The following ST8SIA4 variants were observed in gnomAD, a reference collection of about 807,000 sequenced individuals.
ST8SIA4 encodes CMP-N-acetylneuraminate-poly-alpha-2,8-sialyltransferase.
ST8SIA4 carries 15 observed loss-of-function variants against 33.9 expected under a neutral mutation model. The ratio of observed to expected loss-of-function variants is 0.44; its 90% CI spans 0.30 to 0.68. The LOEUF (loss-of-function observed/expected upper bound fraction) is 0.68. ST8SIA4 is among the 30% of genes least tolerant of loss of function. The pLI is 0.10. For synonymous variants in ST8SIA4, 171 were observed against 151.2 expected (o/e 1.13, Z -0.96); for missense variants, 321 against 428.0 (o/e 0.75, Z 2.21).
At chr5:100,880,603 G>T (rs937184088) in intron 3 of ST8SIA4, among the ~76,000 whole-genome samples, 4 of 152,118 alleles carry the variant, frequency 2.6e-5, no homozygotes, top group Non-Finnish European at 5.9e-5. Context: ...GATGAAGAGA[G>T]ACTTTGGCTT....
chr5:100,812,117 G>T lies in ST8SIA4; in HGVS notation c.810C>A (p.Thr270=). 1.9e-6 allele frequency: 3 copies of T among 1,608,736 alleles called. No individual in the cohort carries two copies. The highest frequency in any genetic ancestry group is 2.5e-6 in the Non-Finnish European group (3 of 1,178,108). ...TGGGTCTTTTGATAGGAACTTTGTT[G>T]GTCAGCCAGTAACTGGAAAAACAAA... ...LIHAVRGYWL[T]NKVPIKRPST... is the part of the protein sequence containing the mutation. The change falls in exon 5 of 5, where the codon ACC becomes ACA. Residue 270 remains threonine (T), a synonymous_variant. Coordinates refer to ENST00000231461, the MANE Select transcript of ST8SIA4 (RefSeq NM_005668.6).
intron 1 of ST8SIA4, 141 bp from the exon 2 acceptor site, chr5:100,895,926 G>T: frequency 2.6e-6 from 2 of 774,306 alleles, no homozygotes; most frequent in Non-Finnish European, 3.9e-6. Context: ...ACGCAAGCAT[G>T]ATGAAAGGTG....
chr5:100,843,888 T>C (rs1034359224), intron 4 of ST8SIA4, among the ~76,000 whole-genome samples: 2 of 151,958 alleles, frequency 1.3e-5, no homozygotes, highest in South Asian at 2.1e-4. Flanking sequence ...TATCAGTTAT[T>C]TACACCTTAC....
chr5:100,890,526 G>A (rs959354678), intron 2 of ST8SIA4: 4 of 151,886 alleles, frequency 2.6e-5, no homozygotes, highest in Admixed American at 2.0e-4. Flanking sequence ...GCTCTATCTA[G>A]AGACACATGA....
intron 3 of ST8SIA4, among the ~76,000 whole-genome samples, chr5:100,868,736 C>T (rs1003275580): frequency 6.6e-6 from 1 of 152,010 alleles, no homozygotes; most frequent in Non-Finnish European, 1.5e-5. Flanking sequence ...CCTGAAACTG[C>T]CTCTTTTCCT....
chr5:100,826,741 T>A (rs1384007388), intron 4 of ST8SIA4, among the ~76,000 whole-genome samples: 1 of 152,128 alleles, frequency 6.6e-6, no homozygotes, highest in Admixed American at 6.5e-5. Context: ...CAGGGTATCA[T>A]TAGGTAATAT....
At chr5:100,816,225 C>T (rs548274915) in intron 4 of ST8SIA4, among the ~76,000 whole-genome samples, 63 of 152,112 alleles carry the variant, frequency 4.1e-4, no homozygotes, top group Middle Eastern at 3.4e-3. Flanking sequence ...TAACACATTG[C>T]AAAGAAAAGA....
At chr5:100,863,676 G>T (rs1281618088) in intron 3 of ST8SIA4, among the ~76,000 whole-genome samples, 1 of 152,058 alleles carries the variant, frequency 6.6e-6, no homozygotes, top group Non-Finnish European at 1.5e-5. Context: ...CTCAAGTCTT[G>T]AAATAAATAA....
At chr5:100,844,028 C>T (rs1751520663) in intron 4 of ST8SIA4, among the ~76,000 whole-genome samples, 1 of 151,814 alleles carries the variant, frequency 6.6e-6, no homozygotes. Flanking sequence ...ACGGAATGTA[C>T]AAAAATGGTA....
At chr5:100,886,316 A>T (rs1216036232) in intron 3 of ST8SIA4, 27 bp downstream of exon 3, 1 of 1,593,214 alleles carries the variant, frequency 6.3e-7, no homozygotes, top group Non-Finnish European at 8.6e-7. Context: ...AAAAACTTAC[A>T]ATCTCAAAAA....
Position 100,859,113 on chromosome 5 carries a change from C to T in ST8SIA4, c.504-2717G>A, listed in dbSNP as rs532133142. On this transcript the variant is annotated intron_variant, in intron 3 of 4. Coordinates refer to ENST00000231461, the MANE Select transcript of ST8SIA4 (RefSeq NM_005668.6). Reference sequence around the variant, plus strand: ...GCATTAAAAAATCAAAAATAACCAACGAGCTGTGTTGCACTCCAGCAATTC... The same window carrying T: ...GCATTAAAAAATCAAAAATAACCAATGAGCTGTGTTGCACTCCAGCAATTC... Among the ~76,000 whole-genome samples the T allele has an allele frequency of 2.2e-4, 33 of 152,178 alleles. 1 individual carries two copies. The highest frequency in any genetic ancestry group is 1.3e-3 in the East Asian group (7 of 5,192).
intron 4 of ST8SIA4, chr5:100,816,334 C>A: frequency 1.9e-5 from 7 of 375,772 alleles, no homozygotes; most frequent in South Asian, 2.3e-5. Context: ...GTCAAAATAC[C>A]TGATTATTTC....
At chr5:100,902,305 A>C (rs1752936036) in intron 1 of ST8SIA4, among the ~76,000 whole-genome samples, 1 of 152,172 alleles carries the variant, frequency 6.6e-6, no homozygotes, top group African/African-American at 2.4e-5. Flanking sequence ...ATAAGGAAGT[A>C]TCCTTAGTGG....
chr5:100,876,279 C>T (rs544142418), intron 3 of ST8SIA4, among the ~76,000 whole-genome samples: 16 of 151,958 alleles, frequency 1.1e-4, no homozygotes, highest in Non-Finnish European at 1.9e-4. Context: ...TTCAGAATTC[C>T]TATCAATCTT....
Position 100,811,647 on chromosome 5 carries a change from C to T in ST8SIA4, c.*200G>A, listed in dbSNP as rs1750818845. ...TTAGTGGAAGTGGCACTTACTAGGA[C>T]CCTTAAAGTCAAAATATTTAATTTT... On this transcript the variant is annotated 3_prime_UTR_variant, in exon 5 of 5. Transcript: ENST00000231461. 7.2e-6 allele frequency: 4 copies of T among 558,782 alleles called. No homozygotes were observed. Among genetic ancestry groups the T allele is most frequent in the Non-Finnish European group, 1.3e-5 (4 of 318,342 alleles). 34.6% of individuals were successfully genotyped at this position (558,782 alleles called of 1,614,324 possible).
intron 4 of ST8SIA4, among the ~76,000 whole-genome samples, chr5:100,825,053 T>G (rs924081685): frequency 6.6e-6 from 1 of 152,094 alleles, no homozygotes; most frequent in Non-Finnish European, 1.5e-5. Flanking sequence ...AGTATGAGAC[T>G]ATCTCTAAAA....
At position 100,895,796 on chromosome 5, in the gene ST8SIA4, A is replaced by G; in HGVS notation, c.114-11T>C. 1 of 1,611,330 alleles carries G rather than the reference A, an allele frequency of 6.2e-7. No individual in the cohort carries two copies. The highest frequency in any genetic ancestry group is 1.1e-5 in the South Asian group (1 of 90,830). Reference sequence around the variant, plus strand: ...GACAATTCACCATCTCTGAAACAAAACAAAATTGCCAGCTTTGTGAAAGTA... The same window carrying G: ...GACAATTCACCATCTCTGAAACAAAGCAAAATTGCCAGCTTTGTGAAAGTA... On this transcript the variant is annotated splice_polypyrimidine_tract_variant and intron_variant, in intron 1 of 4. Coordinates refer to ENST00000231461, the MANE Select transcript of ST8SIA4 (RefSeq NM_005668.6).
intron 3 of ST8SIA4, among the ~76,000 whole-genome samples, 168 bp from the exon 4 acceptor site, chr5:100,856,564 G>T (rs144391613): frequency 1.1e-4 from 17 of 152,266 alleles, no homozygotes; most frequent in Non-Finnish European, 2.1e-4. Context: ...GTCTCCGCAC[G>T]TGCAGGAATA....
intron 2 of ST8SIA4, among the ~76,000 whole-genome samples, chr5:100,892,795 C>G (rs1196285239): frequency 6.6e-6 from 1 of 151,948 alleles, no homozygotes; most frequent in Non-Finnish European, 1.5e-5. Flanking sequence ...AATGAGAACA[C>G]ATGGACACAG....
Sources: allele counts gnomAD v4.1 joint callset (sites outside exome capture counted in the v4.1 genomes callset), GRCh38; gene constraint gnomAD v4.1.1; transcripts MANE v1.5; gene names NCBI Gene and HGNC (gene_info 2026-07-23, HGNC 2026-07-21).